TPRG1: variants seen among roughly 807,000 people sequenced by gnomAD.
The protein encoded by TPRG1 is tumor protein p63-regulated gene 1 protein.
A neutral mutation model predicts 29.3 loss-of-function variants in TPRG1; 29 were observed. The ratio of observed to expected loss-of-function variants is 0.99; its 90% CI spans 0.74 to 1.35. The LOEUF is 1.35. Ranked by LOEUF, TPRG1 falls within the 40% of genes most tolerant of loss-of-function variation. TPRG1 has a pLI of 0.00. For missense variants in TPRG1, 327 were observed against 335.0 expected (o/e 0.98, Z 0.19); for synonymous variants, 130 against 116.8 (o/e 1.11, Z -0.73).
rs138040876 is a variant in TPRG1 at position 189,139,113 on chromosome 3, T to C, written c.-291+6416T>C. Among the ~76,000 whole-genome samples the C allele has an allele frequency of 6.2e-3, 951 of 152,304 alleles. 13 individuals are homozygous for C. The highest frequency in any genetic ancestry group is 0.022 in the African/African-American group (910 of 41,574). ...AAGCACCATGTGGTTTACTGTATGCTCACACACAAGGTTCTCAGCTGATCC... is the reference window on the plus strand; with the variant it reads ...AAGCACCATGTGGTTTACTGTATGCCCACACACAAGGTTCTCAGCTGATCC... On this transcript the variant is annotated intron_variant, in intron 3 of 6. Transcript: ENST00000412373.
At chr3:189,283,225 C>G (rs942793807) in intron 4 of TPRG1, among the ~76,000 whole-genome samples, 1 of 152,142 alleles carries the variant, frequency 6.6e-6, no homozygotes, top group East Asian at 1.9e-4. Flanking sequence ...CTCAATTATT[C>G]GTGCTTCATA....
intron 1 of TPRG1, among the ~76,000 whole-genome samples, chr3:189,178,357 C>T (rs569185130): frequency 2.6e-5 from 4 of 152,214 alleles, no homozygotes; most frequent in African/African-American, 9.6e-5. Flanking sequence ...GGCAAAACCC[C>T]GTCTCTACTA....
At chr3:189,308,218 G>A (rs1721916153) in intron 4 of TPRG1, among the ~76,000 whole-genome samples, 1 of 151,318 alleles carries the variant, frequency 6.6e-6, no homozygotes, top group African/African-American at 2.4e-5. Context: ...AGAGAAATAA[G>A]CTTGCCCATA....
intron 4 of TPRG1, among the ~76,000 whole-genome samples, chr3:189,243,995 C>T (rs1741007683): frequency 6.6e-6 from 1 of 152,186 alleles, no homozygotes; most frequent in Non-Finnish European, 1.5e-5. Context: ...CTCATTCAAC[C>T]TCTGCCTGTT....
At chr3:189,191,148 A>T (rs541716356) in intron 1 of TPRG1, among the ~76,000 whole-genome samples, 1 of 152,182 alleles carries the variant, frequency 6.6e-6, no homozygotes, top group Non-Finnish European at 1.5e-5. Context: ...TTTTATTTTC[A>T]TATGTGCACA....
At chr3:189,108,164 T>C (rs186629693) in intron 1 of TPRG1, among the ~76,000 whole-genome samples, 176 of 152,312 alleles carry the variant, frequency 1.2e-3, no homozygotes, top group African/African-American at 3.9e-3. Context: ...GCTTTATTTA[T>C]ATCTGTACAG....
chr3:189,099,005 C>T (rs1236565223), upstream of TPRG1, among the ~76,000 whole-genome samples: 2 of 152,118 alleles, frequency 1.3e-5, no homozygotes, highest in Admixed American at 1.3e-4. Flanking sequence ...ACGGCTTTAC[C>T]CTGCGTGCTA....
chr3:189,070,389 TGAATA>T (rs1269200008), intron 4 of TPRG1, among the ~76,000 whole-genome samples: 1 of 151,794 alleles, frequency 6.6e-6, no homozygotes, highest in African/African-American at 2.4e-5. Context: ...GTAATAAAAT[TGAATA>T]GAACTAAACA....
chr3:189,070,104 A>G (rs1336679976), intron 4 of TPRG1, among the ~76,000 whole-genome samples: 1 of 152,190 alleles, frequency 6.6e-6, no homozygotes, highest in Non-Finnish European at 1.5e-5. Flanking sequence ...AGGAAAAACA[A>G]TAAGAAATAC....
chr3:189,140,132 A>T (rs1476669388), intron 3 of TPRG1, among the ~76,000 whole-genome samples: 1 of 152,224 alleles, frequency 6.6e-6, no homozygotes, highest in Non-Finnish European at 1.5e-5. Context: ...TGGAGGACAA[A>T]GGAAAGAAGG....
intron 4 of TPRG1, chr3:189,150,511 T>A (rs149170770): frequency 1.3e-5 from 2 of 152,314 alleles, no homozygotes; most frequent in African/African-American, 4.8e-5. Context: ...TTGATTTACC[T>A]GCTTCAGCTG....
intron 1 of TPRG1, among the ~76,000 whole-genome samples, chr3:189,000,168 G>A (rs1281349345): frequency 6.6e-6 from 1 of 152,012 alleles, no homozygotes; most frequent in Non-Finnish European, 1.5e-5. Context: ...GTTTTCTTTT[G>A]GAGTATTTGG....
intron 3 of TPRG1, among the ~76,000 whole-genome samples, chr3:189,225,033 G>A (rs148938141): frequency 0.018 from 2,747 of 150,898 alleles, 77 homozygotes; most frequent in African/African-American, 0.06. Context: ...CTGGGTTCAC[G>A]CCATTCTCCT....
chr3:189,109,358 GGGAGTTACCT>G (rs943535916), intron 1 of TPRG1, among the ~76,000 whole-genome samples: 28 of 152,188 alleles, frequency 1.8e-4, no homozygotes, highest in African/African-American at 6.8e-4. Flanking sequence ...TGGAAACAAT[GGGAGTTACCT>G]GGAGTTACCA....
intron 4 of TPRG1, among the ~76,000 whole-genome samples, chr3:189,054,871 A>G (rs1715562029): frequency 6.6e-6 from 1 of 152,214 alleles, no homozygotes; most frequent in Admixed American, 6.5e-5. Flanking sequence ...GAGAATTACA[A>G]AAATGTGACA....
intron 4 of TPRG1, among the ~76,000 whole-genome samples, chr3:189,056,494 G>T (rs1002144855): frequency 2.0e-5 from 3 of 152,142 alleles, no homozygotes; most frequent in Admixed American, 6.5e-5. Flanking sequence ...CTCAATAAAT[G>T]TTGAGTAAAT....
chr3:189,073,279 CCTTCCAAGAACTCTGG>C (rs1716914272), intron 4 of TPRG1, among the ~76,000 whole-genome samples: 1 of 152,186 alleles, frequency 6.6e-6, no homozygotes, highest in African/African-American at 2.4e-5. Flanking sequence ...TGTATTTCTT[CCTTCCAAGAACTCTGG>C]CTTCCAGGGA....
intron 3 of TPRG1, among the ~76,000 whole-genome samples, chr3:189,231,669 C>A (rs1246247238): frequency 2.0e-5 from 3 of 152,160 alleles, no homozygotes; most frequent in Non-Finnish European, 4.4e-5. Context: ...GTAACTTTTA[C>A]AAGATTATAC....
chr3:189,180,291 A>T (rs1302422055), intron 1 of TPRG1, among the ~76,000 whole-genome samples: 14 of 152,114 alleles, frequency 9.2e-5, no homozygotes, highest in Admixed American at 9.2e-4. Context: ...AAAACCAATC[A>T]TGCCTTCCCG....
Sources: allele counts gnomAD v4.1 joint callset (sites outside exome capture counted in the v4.1 genomes callset), GRCh38; gene constraint gnomAD v4.1.1; transcripts MANE v1.5; gene names NCBI Gene and HGNC (gene_info 2026-07-23, HGNC 2026-07-21).